The following RGS6 variants were observed in gnomAD, a reference collection of about 807,000 sequenced individuals.
RGS6 encodes regulator of G-protein signaling 6.
Under a neutral mutation model 78.5 loss-of-function variants are expected in RGS6, and 30 were observed. The ratio of observed to expected loss-of-function variants is 0.38; its 90% CI spans 0.29 to 0.52. The LOEUF (loss-of-function observed/expected upper bound fraction) is 0.52, where lower values mean the gene tolerates loss of function less well. Ranked by LOEUF, RGS6 falls within the 20% of genes least tolerant of loss-of-function variation. The pLI is 0.85. For missense variants in RGS6, 495 were observed against 609.7 expected (o/e 0.81, Z 1.98); for synonymous variants, 206 against 206.0 (o/e 1.00, Z 0.00).
At chr14:72,281,037 A>G (rs2061479714) in intron 2 of RGS6, among the ~76,000 whole-genome samples, 1 of 152,104 alleles carries the variant, frequency 6.6e-6, no homozygotes, top group African/African-American at 2.4e-5. Flanking sequence ...TAATGAATAC[A>G]TGTTCTGCAA....
At chr14:72,395,107 C>T (rs1407170456) in intron 3 of RGS6, among the ~76,000 whole-genome samples, 3 of 152,154 alleles carry the variant, frequency 2.0e-5, no homozygotes, top group African/African-American at 4.8e-5. Flanking sequence ...CTGGCATCTA[C>T]TTTCATTATC....
intron 2 of RGS6, among the ~76,000 whole-genome samples, chr14:72,117,023 A>G (rs2095908181): frequency 6.6e-6 from 1 of 151,238 alleles, no homozygotes; most frequent in Admixed American, 6.6e-5. Context: ...TTACATGACT[A>G]CCAAGGTGGT....
chr14:72,607,738 G>T, the RGS6 span, among the ~76,000 whole-genome samples: 1 of 152,162 alleles, frequency 6.6e-6, no homozygotes, highest in Non-Finnish European at 1.5e-5. Flanking sequence ...AGCATTGCAG[G>T]TCCAGCTGTC....
chr14:72,390,981 C>G (rs2089826246), intron 3 of RGS6, among the ~76,000 whole-genome samples: 1 of 152,142 alleles, frequency 6.6e-6, no homozygotes, highest in African/African-American at 2.4e-5. Flanking sequence ...ACTTCATGCT[C>G]CAGGGTTGTG....
chr14:72,078,571 G>A (rs1233312695), intron 2 of RGS6, among the ~76,000 whole-genome samples: 5 of 151,974 alleles, frequency 3.3e-5, no homozygotes, highest in African/African-American at 1.2e-4. Context: ...CCGTCACCAC[G>A]CCTAGCTAAT....
chr14:72,269,425 C>T (rs927942771), intron 2 of RGS6, among the ~76,000 whole-genome samples: 3 of 152,200 alleles, frequency 2.0e-5, no homozygotes, highest in African/African-American at 7.2e-5. Context: ...CGTTGGCTTC[C>T]TGCTGTCTCT....
intron 2 of RGS6, among the ~76,000 whole-genome samples, chr14:72,090,150 A>G (rs1040182566): frequency 6.6e-6 from 1 of 151,452 alleles, no homozygotes; most frequent in Admixed American, 6.6e-5. Context: ...AACAGTGGCT[A>G]AACACAAAAC....
chr14:72,602,747 A>G, the RGS6 span, among the ~76,000 whole-genome samples: 1 of 152,244 alleles, frequency 6.6e-6, no homozygotes, highest in Non-Finnish European at 1.5e-5. Flanking sequence ...TTAAAAGCAT[A>G]CAGGAGTGCA....
intron 2 of RGS6, among the ~76,000 whole-genome samples, chr14:72,236,058 C>T (rs2050927964): frequency 6.6e-6 from 1 of 152,196 alleles, no homozygotes; most frequent in South Asian, 2.1e-4. Context: ...ATTCTTACAG[C>T]AGCTGTGTTT....
intron 17 of RGS6, among the ~76,000 whole-genome samples, chr14:72,552,215 ATTGTTGGC>A (rs1302647275): frequency 3.9e-5 from 6 of 152,186 alleles, no homozygotes; most frequent in African/African-American, 7.2e-5. Flanking sequence ...GGCAGCTATG[ATTGTTGGC>A]TTATTTTTAA....
intron 2 of RGS6, among the ~76,000 whole-genome samples, chr14:72,330,510 C>T (rs756111362): frequency 6.6e-6 from 1 of 152,196 alleles, no homozygotes; most frequent in East Asian, 1.9e-4. Context: ...TTACTGAATA[C>T]CCACCTTCCT....
chr14:72,156,173 C>T (rs751233725), intron 2 of RGS6, among the ~76,000 whole-genome samples: 27 of 152,078 alleles, frequency 1.8e-4, no homozygotes, highest in Non-Finnish European at 2.5e-4. Flanking sequence ...GCTGGCTGGG[C>T]GCAGTGGCTT....
intron 2 of RGS6, among the ~76,000 whole-genome samples, chr14:72,019,227 CT>C (rs2087803711): frequency 6.6e-6 from 1 of 152,148 alleles, no homozygotes; most frequent in South Asian, 2.1e-4. Flanking sequence ...TGGCTGTTAC[CT>C]CATTTTACAT....
At chr14:71,922,599 C>T in the RGS6 span, among the ~76,000 whole-genome samples, 6,089 of 149,564 alleles carry the variant, frequency 0.041, 429 homozygotes, top group African/African-American at 0.14. Flanking sequence ...GTTAACTAAA[C>T]TATAGATTTC....
rs373864113 is a variant in RGS6, at chr14:72,238,447, G to A, written c.85-113648G>A. ...TGTATCGCTATGTCAGTGCCAAACC[G>A]AAGGTATGTGTACTTTACATCCTCC... On this transcript the variant is annotated intron_variant, in intron 2 of 17. Transcript: ENST00000553525. 3.3e-5 allele frequency among the ~76,000 whole-genome samples: 5 copies of A among 152,148 alleles called. No individual in the cohort carries two copies. In the East Asian group the frequency reaches 9.6e-4, roughly 29 times the overall value.
chr14:72,501,170 A>G (rs867132885), intron 13 of RGS6, among the ~76,000 whole-genome samples: 1 of 152,092 alleles, frequency 6.6e-6, no homozygotes, highest in Non-Finnish European at 1.5e-5. Context: ...AGGGCCCAGG[A>G]TGTCACCGAC....
At chr14:72,259,166 G>A (rs540410227) in intron 2 of RGS6, among the ~76,000 whole-genome samples, 1 of 152,108 alleles carries the variant, frequency 6.6e-6, no homozygotes, top group Non-Finnish European at 1.5e-5. Flanking sequence ...TTTTTGTTTT[G>A]TTTTGTTTAG....
chr14:72,153,627 G>A (rs538446062), intron 2 of RGS6, among the ~76,000 whole-genome samples: 27 of 152,306 alleles, frequency 1.8e-4, no homozygotes, highest in African/African-American at 4.6e-4. Flanking sequence ...CTGGGCCGCC[G>A]GGGGTGACAT....
intron 2 of RGS6, among the ~76,000 whole-genome samples, chr14:72,186,099 T>TGAAGATTTGAGTCCGGTGCC (rs1161484352): frequency 1.3e-5 from 2 of 152,196 alleles, no homozygotes. Flanking sequence ...TGGAGGGTGT[T>TGAAGATTTGAGTCCGGTGCC]GAAGATTTGA....
Sources: gnomAD v4.1 joint callset for allele counts (sites outside exome capture counted in the v4.1 genomes callset) on GRCh38, gnomAD v4.1.1 for gene constraint, MANE v1.5 for transcripts, NCBI Gene and HGNC (gene_info 2026-07-23, HGNC 2026-07-21) for gene names.